The following ITGA1 variants were observed in gnomAD, a reference collection of about 807,000 sequenced individuals.
ITGA1 encodes the protein integrin subunit alpha 1.
Under a neutral mutation model 145.9 loss-of-function variants are expected in ITGA1, and 85 were observed. The observed-to-expected ratio is 0.58, with a 90% confidence interval of 0.49 to 0.70. The LOEUF is 0.70. Ranked by LOEUF, ITGA1 falls within the 30% of genes least tolerant of loss-of-function variation. The probability of loss-of-function intolerance (pLI) is 0.00; values close to 1 mark genes in which losing one functional copy is unlikely to be tolerated. For missense variants in ITGA1, 1,351 were observed against 1,418.7 expected, an observed-to-expected ratio of 0.95 and a Z score of 0.77; for synonymous variants, 520 against 495.3, an observed-to-expected ratio of 1.05 and a Z score of -0.66.
At chr5:52,788,646 A>C (rs959567996) in intron 1 of ITGA1, among the ~76,000 whole-genome samples, 4 of 152,334 alleles carry the variant, frequency 2.6e-5, no homozygotes, top group Non-Finnish European at 5.9e-5. Flanking sequence ...AGTAGGAGTG[A>C]GGCAGCACTG....
chr5:52,925,517 C>T (rs780489624), intron 19 of ITGA1, 30 bp downstream of exon 19: 21 of 1,488,670 alleles, frequency 1.4e-5, no homozygotes, highest in South Asian at 2.3e-5. Flanking sequence ...TTTATTTGTT[C>T]TCTTAACATC....
chr5:52,872,593 T>TTTTTTTTTTTTTTTTTTTTTTTTG (rs1749794767), intron 6 of ITGA1, among the ~76,000 whole-genome samples: 1 of 148,906 alleles, frequency 6.7e-6, no homozygotes, highest in Admixed American at 6.8e-5. Flanking sequence ...TTTTTTTTTT[T>TTTTTTTTTTTTTTTTTTTTTTTTG]GTGGGTGGAG....
At chr5:52,946,539 T>C (rs1300165961) in intron 27 of ITGA1, among the ~76,000 whole-genome samples, 1 of 152,142 alleles carries the variant, frequency 6.6e-6, no homozygotes, top group Non-Finnish European at 1.5e-5. Context: ...ATCTTCCCTC[T>C]AGGTAAAGAA....
chr5:52,952,324 A>T (rs1017801067), intron 28 of ITGA1, 83 bp from the exon 29 acceptor site: 10 of 684,102 alleles, frequency 1.5e-5, no homozygotes, highest in Admixed American at 3.8e-5. Context: ...ATATACTATT[A>T]AATTTAATTC....
At chr5:52,911,049 TACTATAC>T (rs1349283524) in intron 14 of ITGA1, among the ~76,000 whole-genome samples, 375 of 6,982 alleles carry the variant, frequency 0.054, no homozygotes, top group South Asian at 0.12. Context: ...ATACTATATA[TACTATAC>T]ATAGTGTATA....
chr5:52,864,611 T>C, intron 3 of ITGA1, 152 bp from the exon 4 acceptor site: 1 of 603,756 alleles, frequency 1.7e-6, no homozygotes, highest in Non-Finnish European at 2.9e-6. Context: ...GTTCATTATA[T>C]TCCTTAAGAA....
Position 52,909,027 on chromosome 5 carries a change from T to C in ITGA1, c.1585T>C (p.Tyr529His). Residue 529 changes from tyrosine to histidine, a missense_variant, in exon 13 of 29, where the codon TAT becomes CAT. By Grantham distance (83) the Tyr-to-His change is moderately conservative. Transcript: ENST00000282588. ...GGAGGAGCAAGGAAAAGTGTATGTG[T>C]ATGCTCTCAATCAGGTAATGGTGTC... is the stretch of plus-strand genomic sequence containing the variant. ...EKEEQGKVYVYALNQTRFEYQ... is the reference protein window; with the variant it reads ...EKEEQGKVYVHALNQTRFEYQ... 1 of 1,613,618 alleles carries C rather than the reference T, an allele frequency of 6.2e-7. No individual in the cohort carries two copies. The highest frequency in any genetic ancestry group is 8.5e-7 in the Non-Finnish European group (1 of 1,179,736).
chr5:52,836,978 A>G (rs1236630903), intron 1 of ITGA1, among the ~76,000 whole-genome samples: 1 of 152,216 alleles, frequency 6.6e-6, no homozygotes, highest in Non-Finnish European at 1.5e-5. Flanking sequence ...ATAATATATC[A>G]AATAGCAATG....
At chr5:52,911,546 A>ACTATATATAGTGTATCTACTATATATACT (rs1750533324) in intron 14 of ITGA1, among the ~76,000 whole-genome samples, 1 of 106,864 alleles carries the variant, frequency 9.4e-6, no homozygotes, top group African/African-American at 3.8e-5. Flanking sequence ...AGATACATAT[A>ACTATATATAGTGTATCTACTATATATACT]CTATATATAG....
At position 52,918,712 on chromosome 5, in the gene ITGA1, C is replaced by T; in HGVS notation, c.1989-20C>T. ...TTAAATGTAAAAATGTGTGAGTAATCCCATTGTTTTTGTTTGTAGGTCCCG... is the reference window on the plus strand; with the variant it reads ...TTAAATGTAAAAATGTGTGAGTAATTCCATTGTTTTTGTTTGTAGGTCCCG... On this transcript the variant is annotated intron_variant, in intron 15 of 28. Transcript: ENST00000282588. 1 of 1,595,440 alleles carries T rather than the reference C, an allele frequency of 6.3e-7. No homozygotes were observed. The highest frequency in any genetic ancestry group is 8.5e-7 in the Non-Finnish European group (1 of 1,173,294).
At chr5:52,800,310 G>T (rs1748441184) in intron 1 of ITGA1, 9 of 1,494,212 alleles carry the variant, frequency 6.0e-6, no homozygotes, top group Non-Finnish European at 8.3e-6. Context: ...CCCCTTCCTG[G>T]CCTGCATTCC....
In ITGA1 at chr5:52,932,077, T is replaced by G. The variant is rs746585309; in HGVS notation, c.2802T>G (p.Ser934=). The stretch of plus-strand genomic sequence containing the variant: ...GCGAAGAACCTCCTGAAACCCTTTC[T>G]GATAATGTAGTAAACATTTCTATCC... ...SDSEEPPETL[S]DNVVNISIPV... is the part of the protein sequence containing the mutation. Residue 934 remains serine (S), a synonymous_variant, in exon 22 of 29, where the codon TCT becomes TCG. Coordinates refer to ENST00000282588, the MANE Select transcript of ITGA1 (RefSeq NM_181501.2). 31 of 1,610,734 alleles carry G rather than the reference T, an allele frequency of 1.9e-5. No individual in the cohort carries two copies. The highest frequency in any genetic ancestry group is 2.4e-5 in the Non-Finnish European group (28 of 1,177,300).
intron 6 of ITGA1, among the ~76,000 whole-genome samples, chr5:52,877,590 A>G (rs1561234805): frequency 6.6e-6 from 1 of 152,302 alleles, no homozygotes; most frequent in African/African-American, 2.4e-5. Context: ...TTCTGCATAC[A>G]CCACCTCTTA....
intron 1 of ITGA1, among the ~76,000 whole-genome samples, chr5:52,807,638 T>C (rs1365937233): frequency 6.6e-6 from 1 of 152,186 alleles, no homozygotes; most frequent in Non-Finnish European, 1.5e-5. Flanking sequence ...TTTTAATGTT[T>C]TTATTCTATT....
At chr5:52,915,747 A>C (rs1393883177) in intron 15 of ITGA1, among the ~76,000 whole-genome samples, 153 bp downstream of exon 15, 1 of 152,226 alleles carries the variant, frequency 6.6e-6, no homozygotes, top group Non-Finnish European at 1.5e-5. Context: ...GGAAGAGTCA[A>C]TACATCTTAA....
At chr5:52,836,413 T>C (rs1422216843) in intron 1 of ITGA1, among the ~76,000 whole-genome samples, 1 of 152,196 alleles carries the variant, frequency 6.6e-6, no homozygotes, top group Non-Finnish European at 1.5e-5. Flanking sequence ...GCCAGTACAT[T>C]TGTGTAAGCA....
chr5:52,918,884 C>T lies in ITGA1; in HGVS notation c.2141C>T (p.Thr714Met), dbSNP rs373517668. 26 of 1,591,764 alleles carry T rather than the reference C, an allele frequency of 1.6e-5. No individual in the cohort carries two copies. The highest frequency in any genetic ancestry group is 3.5e-5 in the South Asian group (3 of 85,906). ...FDVKLKSKED[T>M]IYEADLQYRV... ...GTGAAATTAAAGTCTAAAGAAGACA[C>T]GATTTATGAAGCTGGTAAGCAAAAT... The change falls in exon 16 of 29, where the codon ACG becomes ATG. Residue 714 changes from threonine (T) to methionine (M), a missense_variant. By Grantham distance (81) the Thr-to-Met change is moderately conservative. Coordinates refer to ENST00000282588, the MANE Select transcript of ITGA1 (RefSeq NM_181501.2).
chr5:52,953,843 T>G lies in ITGA1; in HGVS notation c.*1392T>G. The G allele has an allele frequency of 6.6e-6, 1 of 152,344 alleles. No homozygotes were observed. Among genetic ancestry groups the G allele is most frequent in the East Asian group, 1.9e-4 (1 of 5,180 alleles). 9.4% of individuals were successfully genotyped at this position (152,344 alleles called of 1,614,324 possible). A position where few individuals can be genotyped will look rare whatever the true frequency, so the allele number is the denominator to read the frequency against. ...CTGCAACAACATTTCTCCATCTGAT[T>G]TACCAGAACCTGTAACAAGACCAGA... On this transcript the variant is annotated 3_prime_UTR_variant, in exon 29 of 29. Transcript: ENST00000282588.
At chr5:52,794,669 A>G (rs752216208) in intron 1 of ITGA1, among the ~76,000 whole-genome samples, 9 of 151,720 alleles carry the variant, frequency 5.9e-5, no homozygotes, top group Non-Finnish European at 1.3e-4. Context: ...AAAACAAATA[A>G]AACAAACAAA....
Sources: allele counts gnomAD v4.1 joint callset (sites outside exome capture counted in the v4.1 genomes callset), GRCh38; gene constraint gnomAD v4.1.1; transcripts MANE v1.5; gene names NCBI Gene and HGNC (gene_info 2026-07-23, HGNC 2026-07-21).